The following MDGA2 variants were observed in gnomAD, a reference collection of about 807,000 sequenced individuals.
The protein encoded by MDGA2 is MAM domain containing glycosylphosphatidylinositol anchor 2.
Under a neutral mutation model 117.8 loss-of-function variants are expected in MDGA2, and 40 were observed. The ratio of observed to expected loss-of-function variants is 0.34; its 90% confidence interval spans 0.26 to 0.44. The LOEUF (loss-of-function observed/expected upper bound fraction) is 0.44, where lower values mean the gene tolerates loss of function less well. Ranked by LOEUF, MDGA2 falls within the 20% of genes least tolerant of loss-of-function variation. The pLI is 1.00. For missense variants in MDGA2, 1,123 were observed against 1,250.6 expected (o/e 0.90, Z 1.54); for synonymous variants, 452 against 439.0 (o/e 1.03, Z -0.37).
chr14:47,613,997 G>C (rs1391161929), intron 1 of MDGA2, among the ~76,000 whole-genome samples: 1 of 151,438 alleles, frequency 6.6e-6, no homozygotes, highest in Non-Finnish European at 1.5e-5. Flanking sequence ...AGATTATTTA[G>C]AAGTTATGAT....
intron 1 of MDGA2, among the ~76,000 whole-genome samples, chr14:47,559,480 C>G (rs1895752812): frequency 6.6e-6 from 1 of 151,906 alleles, no homozygotes; most frequent in African/African-American, 2.4e-5. Flanking sequence ...TTTCTTTATC[C>G]ATTCTACTAT....
At chr14:47,158,700 G>A (rs992375845) in intron 3 of MDGA2, among the ~76,000 whole-genome samples, 12 of 151,982 alleles carry the variant, frequency 7.9e-5, no homozygotes, top group African/African-American at 1.5e-4. Context: ...GGTGATCAGC[G>A]TGCCTCGGCC....
chr14:46,914,384 C>T (rs1459417724), intron 10 of MDGA2, among the ~76,000 whole-genome samples: 1 of 151,888 alleles, frequency 6.6e-6, no homozygotes, highest in African/African-American at 2.4e-5. Flanking sequence ...AATTTTTTAG[C>T]TTCTCATTAT....
chr14:47,314,841 T>A (rs532488288), intron 1 of MDGA2, among the ~76,000 whole-genome samples: 4 of 152,098 alleles, frequency 2.6e-5, no homozygotes, highest in African/African-American at 7.2e-5. Flanking sequence ...GATTACAATA[T>A]GACCAATACA....
rs1897674911 is a variant in MDGA2, at chr14:47,653,094, C to A, written c.280+21423G>T. Reference sequence around the variant, plus strand: ...CTATCCCAGTAGAACCTCAATATCCCATAAGAATCTTAGATGGACAAGAAA... The same window carrying A: ...CTATCCCAGTAGAACCTCAATATCCAATAAGAATCTTAGATGGACAAGAAA... On this transcript the variant is annotated intron_variant, in intron 1 of 16. Coordinates refer to ENST00000399232, the MANE Select transcript of MDGA2 (RefSeq NM_001113498.3). Among the ~76,000 whole-genome samples, 3 of 152,142 alleles carry A rather than the reference C, an allele frequency of 2.0e-5. No individual in the cohort carries two copies. The South Asian group carries it at 6.2e-4, about 32-fold the overall frequency.
intron 8 of MDGA2, among the ~76,000 whole-genome samples, chr14:47,015,548 A>G (rs970968610): frequency 2.0e-5 from 3 of 152,080 alleles, no homozygotes; most frequent in Non-Finnish European, 2.9e-5. Context: ...TATGGCTGCA[A>G]TGGAGAGTAG....
chr14:47,154,882 G>A (rs184833006), intron 3 of MDGA2, among the ~76,000 whole-genome samples: 1 of 152,154 alleles, frequency 6.6e-6, no homozygotes, highest in Admixed American at 6.5e-5. Flanking sequence ...CTGTAGCATG[G>A]GGCCTAGGCT....
At chr14:47,266,141 G>C (rs916578006) in intron 2 of MDGA2, among the ~76,000 whole-genome samples, 3 of 152,048 alleles carry the variant, frequency 2.0e-5, no homozygotes, top group African/African-American at 7.2e-5. Context: ...TAAGTAACTA[G>C]CCCAAATTAT....
chr14:46,966,271 G>A lies in MDGA2; in HGVS notation c.1820-8628C>T, dbSNP rs1206515583. On this transcript the variant is annotated intron_variant, in intron 8 of 16. Coordinates refer to ENST00000399232, the MANE Select transcript of MDGA2 (RefSeq NM_001113498.3). ...GTAGCAGACTAAGGAATCAAACAAGGCAATCTGATTTCAGAATGCATGCTC... is the reference window on the plus strand; with the variant it reads ...GTAGCAGACTAAGGAATCAAACAAGACAATCTGATTTCAGAATGCATGCTC... 5.3e-5 allele frequency among the ~76,000 whole-genome samples: 8 copies of A among 152,138 alleles called. No individual in the cohort carries two copies. In the Middle Eastern group the frequency reaches 0.014, roughly 259 times the overall value.
chr14:47,214,573 A>C (rs1886016319), intron 3 of MDGA2, among the ~76,000 whole-genome samples: 1 of 152,142 alleles, frequency 6.6e-6, no homozygotes, highest in South Asian at 2.1e-4. Flanking sequence ...TTATGTGGGA[A>C]AAAGTCGCCA....
chr14:47,491,822 G>T (rs1164937947), intron 1 of MDGA2, among the ~76,000 whole-genome samples: 1 of 151,722 alleles, frequency 6.6e-6, no homozygotes, highest in South Asian at 2.1e-4. Flanking sequence ...AGACATTAAA[G>T]CTATTATTAA....
chr14:47,491,635 T>A (rs796144335), intron 1 of MDGA2, among the ~76,000 whole-genome samples: 5 of 152,272 alleles, frequency 3.3e-5, no homozygotes, highest in African/African-American at 1.2e-4. Flanking sequence ...TTTGCTTTTT[T>A]AAGCTGAACT....
At chr14:47,464,161 T>C in intron 1 of MDGA2, among the ~76,000 whole-genome samples, 1 of 151,692 alleles carries the variant, frequency 6.6e-6, no homozygotes, top group East Asian at 1.9e-4. Context: ...TCTGTTGCTT[T>C]GTTGGTATCA....
intron 3 of MDGA2, among the ~76,000 whole-genome samples, chr14:47,169,709 G>A (rs1229988441): frequency 2.6e-5 from 4 of 151,948 alleles, no homozygotes; most frequent in Admixed American, 2.6e-4. Context: ...TACATAATCA[G>A]TTTTTCTACT....
chr14:47,589,250 T>C (rs1210276160), intron 1 of MDGA2, among the ~76,000 whole-genome samples: 6 of 152,052 alleles, frequency 3.9e-5, no homozygotes, highest in Admixed American at 3.9e-4. Flanking sequence ...TAAGAAATCA[T>C]TGCCTAACCT....
intron 1 of MDGA2, among the ~76,000 whole-genome samples, chr14:47,541,439 G>A (rs143919308): frequency 2.6e-5 from 4 of 152,110 alleles, no homozygotes; most frequent in Non-Finnish European, 4.4e-5. Context: ...TTAATTCCTC[G>A]TTTGGTTTCT....
chr14:47,364,465 C>T (rs572956202), intron 1 of MDGA2, among the ~76,000 whole-genome samples: 1 of 152,164 alleles, frequency 6.6e-6, no homozygotes, highest in East Asian at 1.9e-4. Flanking sequence ...GGGGTTTCAC[C>T]GTGTTAGCCA....
intron 1 of MDGA2, among the ~76,000 whole-genome samples, chr14:47,666,916 C>T (rs1897983918): frequency 6.6e-6 from 1 of 152,130 alleles, no homozygotes; most frequent in Non-Finnish European, 1.5e-5. Flanking sequence ...GCTGTTAACA[C>T]TCACTGCGAA....
chr14:47,087,350 AC>A (rs1164907060), intron 6 of MDGA2, among the ~76,000 whole-genome samples: 7 of 151,492 alleles, frequency 4.6e-5, no homozygotes, highest in African/African-American at 1.7e-4. Context: ...CCCCACCTCT[AC>A]AAAAAAACAC....
Sources: allele counts gnomAD v4.1 joint callset (sites outside exome capture counted in the v4.1 genomes callset), GRCh38; gene constraint gnomAD v4.1.1; transcripts MANE v1.5; gene names NCBI Gene and HGNC (gene_info 2026-07-23, HGNC 2026-07-21).